PDZD7: variants seen among roughly 807,000 people sequenced by gnomAD.
The protein encoded by PDZD7 is PDZ domain containing 7, also known as PDZ domain-containing protein 7.
A neutral mutation model predicts 84.7 loss-of-function variants in PDZD7; 72 were observed. The observed-to-expected ratio is 0.85, with a 90% CI of 0.70 to 1.03. The LOEUF is 1.03. Among genes scored for constraint, PDZD7 ranks in the 50% least tolerant of loss-of-function variants. PDZD7 has a pLI of 0.00. For missense variants in PDZD7, 1,490 were observed against 1,412.9 expected, an observed-to-expected ratio of 1.05 and a Z score of -0.87; for synonymous variants, 594 against 580.7, an observed-to-expected ratio of 1.02 and a Z score of -0.33.
chr10:101,028,992 G>A (rs906747240), intron 2 of PDZD7, among the ~76,000 whole-genome samples: 2 of 152,228 alleles, frequency 1.3e-5, no homozygotes, highest in East Asian at 1.9e-4. Context: ...TGGGTCAGAG[G>A]GGGAGGAGCA....
intron 2 of PDZD7, among the ~76,000 whole-genome samples, chr10:101,025,741 G>A (rs931798868): frequency 4.0e-5 from 6 of 150,460 alleles, no homozygotes; most frequent in Non-Finnish European, 5.9e-5. Flanking sequence ...TAGAGACGGG[G>A]TTTCACCGTG....
intron 8 of PDZD7, 78 bp from the exon 9 acceptor site, chr10:101,018,374 G>A (rs1358025139): frequency 4.0e-6 from 6 of 1,505,098 alleles, no homozygotes; most frequent in East Asian, 4.6e-5. Context: ...TGTGGGGAGG[G>A]ACAGAGAGAA....
chr10:101,028,206 G>C (rs990443131), intron 2 of PDZD7, among the ~76,000 whole-genome samples: 1 of 152,198 alleles, frequency 6.6e-6, no homozygotes, highest in Admixed American at 6.5e-5. Flanking sequence ...CTCACTGCTA[G>C]GAGATGCTGC....
chr10:101,017,706 A>G (rs745836903), intron 9 of PDZD7: 4 of 665,506 alleles, frequency 6.0e-6, no homozygotes, highest in Non-Finnish European at 1.1e-5. Flanking sequence ...GGATCGCTTG[A>G]GCGTGGGAGG....
chr10:101,014,917 C>G (rs1322045386), intron 11 of PDZD7, among the ~76,000 whole-genome samples: 1 of 152,172 alleles, frequency 6.6e-6, no homozygotes, highest in Non-Finnish European at 1.5e-5. Context: ...TCACAAAGAG[C>G]CCAGTGTACA....
intron 9 of PDZD7, among the ~76,000 whole-genome samples, chr10:101,016,862 G>A (rs1852653694): frequency 1.3e-5 from 2 of 152,230 alleles, no homozygotes; most frequent in East Asian, 3.9e-4. Context: ...TGACGGAGAG[G>A]GGCCAGGCAG....
At chr10:101,021,772 C>T (rs1253690761) in intron 6 of PDZD7, 26 bp downstream of exon 6, 2 of 1,614,216 alleles carry the variant, frequency 1.2e-6, no homozygotes, top group Non-Finnish European at 1.7e-6. Flanking sequence ...AGCCTCACCT[C>T]TCCCTACCCC....
Position 101,023,535 on chromosome 10 carries a change from C to T in PDZD7, c.443G>A (p.Ser148Asn), listed in dbSNP as rs760395331. 6.2e-7 allele frequency: 1 copy of T among 1,614,128 alleles called. No homozygotes were observed. Among genetic ancestry groups the T allele is most frequent in the South Asian group, 1.1e-5 (1 of 91,086 alleles). The stretch of plus-strand genomic sequence containing the variant: ...GCTGCTGGTCAGCACCTTTACGGCG[C>T]TACCCATGGTGGTGCTCTCCAGGCT... ...GLSLESTTMG[S>N]AVKVLTSSSR... Residue 148 changes from serine (S) to asparagine (N), a missense_variant, in exon 4 of 17, where the codon AGC (serine) becomes AAC (asparagine). Physicochemically the swap from Ser to Asn is conservative, Grantham distance 46. Transcript: ENST00000619208.
chr10:101,008,960 C>G (rs1334251418), intron 16 of PDZD7, 110 bp from the exon 17 acceptor site: 28 of 1,332,504 alleles, frequency 2.1e-5, no homozygotes, highest in Non-Finnish European at 2.1e-5. Flanking sequence ...ACTCCTCCCC[C>G]ATCTGGGTGG....
rs1395537820 is a variant in PDZD7 at position 101,011,976 on chromosome 10, T to C, written c.1882A>G (p.Met628Val). 2 of 1,550,456 alleles carry C rather than the reference T, an allele frequency of 1.3e-6. No individual in the cohort carries two copies. The highest frequency in any genetic ancestry group is 1.7e-6 in the Non-Finnish European group (2 of 1,146,970). ...APTDLGRFDSMVMLVELEAFE... is the reference protein window; with the variant it reads ...APTDLGRFDSVVMLVELEAFE... Reference sequence around the variant, plus strand: ...GCCTCCAGCTCCACAAGCATCACCATGCTGTCGAAGCGGCCCAGGTCTGTG... The same window carrying C: ...GCCTCCAGCTCCACAAGCATCACCACGCTGTCGAAGCGGCCCAGGTCTGTG... Residue 628 changes from methionine to valine, a missense_variant, in exon 13 of 17, where the codon ATG becomes GTG. Physicochemically the swap from Met to Val is conservative, Grantham distance 21. Coordinates refer to ENST00000619208, the MANE Select transcript of PDZD7 (RefSeq NM_001195263.2).
At chr10:101,012,801 T>C (rs1184009005) in intron 11 of PDZD7, among the ~76,000 whole-genome samples, 1 of 152,216 alleles carries the variant, frequency 6.6e-6, no homozygotes, top group Non-Finnish European at 1.5e-5. Context: ...AGCATATGTC[T>C]GCACACAGAC....
chr10:101,014,186 T>G (rs1193816231), intron 11 of PDZD7, among the ~76,000 whole-genome samples: 1 of 152,054 alleles, frequency 6.6e-6, no homozygotes, highest in Non-Finnish European at 1.5e-5. Context: ...TGATTCCTGG[T>G]CTGGCAGCTG....
In PDZD7 at chr10:101,030,136, T is replaced by C. The variant is rs1938018835; in HGVS notation, c.84A>G (p.Arg28=). ...SSGSLSSLSS[R]GHLGSDSGST... ...AGCCTGAGTCGCTGCCTAGGTGGCCTCGGGAGGAGAGGGAGCTCAGAGAGC... is the reference window on the plus strand; with the variant it reads ...AGCCTGAGTCGCTGCCTAGGTGGCCCCGGGAGGAGAGGGAGCTCAGAGAGC... The change falls in exon 2 of 17, where the codon CGA becomes CGG. Residue 28 remains arginine (R), a synonymous_variant. Coordinates refer to ENST00000619208, the MANE Select transcript of PDZD7 (RefSeq NM_001195263.2). The C allele has an allele frequency of 6.2e-7, 1 of 1,614,028 alleles. No homozygotes were observed. Among genetic ancestry groups the C allele is most frequent in the Non-Finnish European group, 8.5e-7 (1 of 1,180,038 alleles).
Position 101,023,315 on chromosome 10 carries a change from C to T in PDZD7, c.542+121G>A, listed in dbSNP as rs923462795. ...TGAGGTCAGGCCTTTGGATCCCCTG[C>T]GTTTCCTGAGCCAGCGAGCAGGAGG... On this transcript the variant is annotated intron_variant, in intron 4 of 16. Transcript: ENST00000619208. 9 of 1,214,454 alleles carry T rather than the reference C, an allele frequency of 7.4e-6. No individual in the cohort carries two copies. The East Asian group carries it at 7.5e-5, about 10-fold the overall frequency. 75.2% of individuals were successfully genotyped at this position (1,214,454 alleles called of 1,614,324 possible).
chr10:101,025,799 G>C (rs980202445), intron 2 of PDZD7, among the ~76,000 whole-genome samples: 5 of 151,108 alleles, frequency 3.3e-5, no homozygotes, highest in Non-Finnish European at 7.4e-5. Flanking sequence ...TGCCCGCCTT[G>C]GCCTCCTAAA....
rs1281320258 is a variant in PDZD7, at chr10:101,030,247, A to C, written c.-28T>G. On this transcript the variant is annotated 5_prime_UTR_variant, in exon 2 of 17. Transcript: ENST00000619208. ...CGGCTGGGCTAGGGCGGCACCCTAC[A>C]GGTCCAGAAGGAATCTGCTAGCTCT... 1.9e-6 allele frequency: 3 copies of C among 1,557,312 alleles called. No individual in the cohort carries two copies. The highest frequency in any genetic ancestry group is 2.6e-6 in the Non-Finnish European group (3 of 1,151,046).
rs757518712 is a variant in PDZD7, at chr10:101,024,017, G to T, written c.278C>A (p.Pro93Gln). 6 of 1,614,116 alleles carry T rather than the reference G, an allele frequency of 3.7e-6. No homozygotes were observed. The African/African-American group carries it at 8.0e-5, about 22-fold the overall frequency. ...IIHSVRVEKS[P>Q]AGRLGFSVRG... ...CACGCTGAAGCCCAGCCTCCCTGCT[G>T]GACTCTTCTCCACCCGGACTGAATG... The change falls in exon 3 of 17, where the codon CCA becomes CAA. Residue 93 changes from proline to glutamine, a missense_variant. Coordinates refer to ENST00000619208, the MANE Select transcript of PDZD7 (RefSeq NM_001195263.2).
intron 13 of PDZD7, 27 bp from the exon 14 acceptor site, chr10:101,011,788 G>A (rs1236639939): frequency 1.4e-5 from 21 of 1,550,334 alleles, no homozygotes; most frequent in East Asian, 7.3e-5. Flanking sequence ...ACAGGTCAGC[G>A]GCAAGGTACC....
Position 101,008,167 on chromosome 10 carries a change from T to C in PDZD7, c.*300A>G, listed in dbSNP as rs1852281658. ...TCATAAGGGACAGCATGTGAGAAAG[T>C]GCCCACCAATCCCAAGCTCCAGACC... is the stretch of plus-strand genomic sequence containing the variant. On this transcript the variant is annotated 3_prime_UTR_variant, in exon 17 of 17. Coordinates refer to ENST00000619208, the MANE Select transcript of PDZD7 (RefSeq NM_001195263.2). 4.4e-6 allele frequency: 2 copies of C among 452,442 alleles called. No individual in the cohort carries two copies. The highest frequency in any genetic ancestry group is 7.8e-6 in the Non-Finnish European group (2 of 255,834). The allele number at this position is 452,442 out of a possible 1,614,324, so 28.0% of individuals were successfully genotyped here.
Sources: gnomAD v4.1 joint callset for allele counts (sites outside exome capture counted in the v4.1 genomes callset) on GRCh38, gnomAD v4.1.1 for gene constraint, MANE v1.5 for transcripts, NCBI Gene and HGNC (gene_info 2026-07-23, HGNC 2026-07-21) for gene names.